The following HEMK2 variants were observed in gnomAD, a reference collection of about 807,000 sequenced individuals.
HEMK2 encodes the protein methyltransferase HEMK2.
the HEMK2 span, among the ~76,000 whole-genome samples, chr21:28,594,236 G>C: frequency 6.6e-6 from 1 of 152,160 alleles, no homozygotes; most frequent in African/African-American, 2.4e-5. Flanking sequence ...AGAGAAGACT[G>C]AGCAGACATG....
At chr21:28,679,976 T>C in the HEMK2 span, among the ~76,000 whole-genome samples, 5 of 151,640 alleles carry the variant, frequency 3.3e-5, no homozygotes, top group African/African-American at 9.7e-5. Context: ...CACCCTAACA[T>C]CACAATTAAA....
chr21:28,764,014 C>A, the HEMK2 span, among the ~76,000 whole-genome samples: 7 of 152,094 alleles, frequency 4.6e-5, no homozygotes, highest in Non-Finnish European at 5.9e-5. Context: ...GTCCCCCTGG[C>A]AGAACCAAAC....
the HEMK2 span, among the ~76,000 whole-genome samples, chr21:28,593,861 G>A: frequency 6.6e-6 from 1 of 152,146 alleles, no homozygotes; most frequent in Non-Finnish European, 1.5e-5. Context: ...AATATTTTAT[G>A]TACTCTACCC....
chr21:28,706,394 C>T, the HEMK2 span, among the ~76,000 whole-genome samples: 9 of 152,088 alleles, frequency 5.9e-5, no homozygotes, highest in African/African-American at 4.8e-5. Flanking sequence ...CTTATCGGGC[C>T]TCAATCAAAT....
the HEMK2 span, among the ~76,000 whole-genome samples, chr21:28,583,879 A>C: frequency 6.6e-6 from 1 of 152,216 alleles, no homozygotes; most frequent in Non-Finnish European, 1.5e-5. Flanking sequence ...TGTTAATATA[A>C]CTTTACTATT....
the HEMK2 span, among the ~76,000 whole-genome samples, chr21:28,593,880 G>A: frequency 3.3e-5 from 5 of 152,264 alleles, no homozygotes; most frequent in East Asian, 9.6e-4. Flanking sequence ...CCTCATCGAG[G>A]TAGAGCATCA....
chr21:28,788,373 A>T, the HEMK2 span, among the ~76,000 whole-genome samples: 1 of 151,976 alleles, frequency 6.6e-6, no homozygotes, highest in Non-Finnish European at 1.5e-5. Flanking sequence ...ACAGCATTGC[A>T]GTGACCTGGA....
the HEMK2 span, among the ~76,000 whole-genome samples, chr21:28,635,969 T>C: frequency 6.6e-6 from 1 of 152,186 alleles, no homozygotes; most frequent in Non-Finnish European, 1.5e-5. Context: ...CTGGTGGCTA[T>C]TGGACAACAC....
At chr21:28,579,032 C>G in the HEMK2 span, among the ~76,000 whole-genome samples, 1 of 152,124 alleles carries the variant, frequency 6.6e-6, no homozygotes, top group Non-Finnish European at 1.5e-5. Context: ...CAGAGGTTAT[C>G]AGATTCTATT....
chr21:28,679,447 A>G, the HEMK2 span, among the ~76,000 whole-genome samples: 88 of 152,262 alleles, frequency 5.8e-4, no homozygotes, highest in Middle Eastern at 3.4e-3. Context: ...TACTAATACT[A>G]ATGGTAGACT....
At chr21:28,837,567 T>A in the HEMK2 span, among the ~76,000 whole-genome samples, 1 of 151,984 alleles carries the variant, frequency 6.6e-6, no homozygotes, top group Non-Finnish European at 1.5e-5. Flanking sequence ...AAAGTTCACA[T>A]CCCTAAACAC....
At chr21:28,839,333 C>T in the HEMK2 span, among the ~76,000 whole-genome samples, 22,259 of 151,878 alleles carry the variant, frequency 0.15, 3,084 homozygotes, top group African/African-American at 0.35. Context: ...CCCACTCTCA[C>T]CACTCCTCTT....
At chr21:28,583,392 C>A in the HEMK2 span, among the ~76,000 whole-genome samples, 1 of 152,140 alleles carries the variant, frequency 6.6e-6, no homozygotes, top group Non-Finnish European at 1.5e-5. Flanking sequence ...GAAACCCCTT[C>A]AAGAATTCTG....
the HEMK2 span, among the ~76,000 whole-genome samples, chr21:28,612,450 T>C: frequency 6.6e-6 from 1 of 152,106 alleles, no homozygotes; most frequent in Non-Finnish European, 1.5e-5. Context: ...ATAAACACCA[T>C]CTATGACAAA....
the HEMK2 span, among the ~76,000 whole-genome samples, chr21:28,796,412 T>C: frequency 6.6e-6 from 1 of 152,208 alleles, no homozygotes; most frequent in African/African-American, 2.4e-5. Flanking sequence ...AGCGCTGGGA[T>C]TACAGGCGTG....
At chr21:28,838,998 T>TATATATATATATATATATAC in the HEMK2 span, among the ~76,000 whole-genome samples, 30 of 57,938 alleles carry the variant, frequency 5.2e-4, no homozygotes, top group Non-Finnish European at 7.8e-4. Flanking sequence ...TATATATATA[T>TATATATATATATATATATAC]ATACATATAT....
the HEMK2 span, among the ~76,000 whole-genome samples, chr21:28,665,164 G>A: frequency 2.0e-5 from 3 of 150,816 alleles, no homozygotes; most frequent in Non-Finnish European, 4.4e-5. Context: ...ATGCACCTAT[G>A]GGTCTCAGCT....
At chr21:28,843,661 C>T in the HEMK2 span, among the ~76,000 whole-genome samples, 1 of 152,078 alleles carries the variant, frequency 6.6e-6, no homozygotes, top group African/African-American at 2.4e-5. Context: ...GCTTAAAGAC[C>T]TTCTTGATTA....
the HEMK2 span, among the ~76,000 whole-genome samples, chr21:28,700,476 C>T: frequency 1.3e-5 from 2 of 152,084 alleles, no homozygotes; most frequent in Admixed American, 6.6e-5. Context: ...GCCAACCCCA[C>T]AGAAATAATA....
Sources: allele counts gnomAD v4.1 joint callset (sites outside exome capture counted in the v4.1 genomes callset), GRCh38; gene constraint gnomAD v4.1.1; transcripts MANE v1.5; gene names NCBI Gene and HGNC (gene_info 2026-07-23, HGNC 2026-07-21).